IRGM: variants seen among roughly 807,000 people sequenced by gnomAD.
The protein encoded by IRGM is immunity related GTPase M.
For missense variants in IRGM, 288 were observed against 219.9 expected (o/e 1.31, Z -1.96); for synonymous variants, 98 against 80.6 (o/e 1.22, Z -1.16).
intron 1 of IRGM, among the ~76,000 whole-genome samples, chr5:150,854,535 C>A (rs1261159186): frequency 1.3e-5 from 2 of 152,078 alleles, no homozygotes; most frequent in African/African-American, 4.8e-5. Flanking sequence ...CCTGGGGGTG[C>A]ATTTATTTTT....
intron 1 of IRGM, among the ~76,000 whole-genome samples, chr5:150,872,986 A>G (rs946842386): frequency 2.6e-5 from 4 of 152,238 alleles, no homozygotes; most frequent in Non-Finnish European, 5.9e-5. Flanking sequence ...GCCAGATCTA[A>G]CAGTGGGAAC....
intron 1 of IRGM, among the ~76,000 whole-genome samples, chr5:150,866,575 T>C (rs1446158435): frequency 2.6e-5 from 4 of 152,002 alleles, no homozygotes; most frequent in Non-Finnish European, 5.9e-5. Context: ...CTGACAAAAA[T>C]CAATAAAAAG....
intron 1 of IRGM, among the ~76,000 whole-genome samples, chr5:150,865,044 G>C (rs1206160806): frequency 6.6e-6 from 1 of 152,170 alleles, no homozygotes; most frequent in East Asian, 1.9e-4. Context: ...CTGGTGAGAG[G>C]ATGTGTGATG....
At chr5:150,886,524 A>G (rs73284141) in intron 3 of IRGM, among the ~76,000 whole-genome samples, 31,733 of 151,764 alleles carry the variant, frequency 0.21, 5,353 homozygotes, top group African/African-American at 0.45. Flanking sequence ...GAATCCATGA[A>G]GTCCTAGGCT....
intron 3 of IRGM, among the ~76,000 whole-genome samples, chr5:150,887,257 A>T (rs1754539052): frequency 6.6e-6 from 1 of 152,050 alleles, no homozygotes; most frequent in South Asian, 2.1e-4. Context: ...AATGGATCTG[A>T]CAGAGCTGAA....
At chr5:150,892,397 AG>A (rs1052717076) in intron 3 of IRGM, among the ~76,000 whole-genome samples, 12 of 152,012 alleles carry the variant, frequency 7.9e-5, no homozygotes, top group African/African-American at 2.7e-4. Context: ...AGAATATCTG[AG>A]TTTTAATTAA....
intron 1 of IRGM, among the ~76,000 whole-genome samples, chr5:150,870,785 C>T (rs764047020): frequency 8.5e-5 from 13 of 152,052 alleles, no homozygotes; most frequent in Non-Finnish European, 1.9e-4. Context: ...TTAGAGCACT[C>T]AGTAATCATA....
At chr5:150,882,441 T>C (rs1169720791) in intron 3 of IRGM, among the ~76,000 whole-genome samples, 1 of 152,094 alleles carries the variant, frequency 6.6e-6, no homozygotes, top group Non-Finnish European at 1.5e-5. Flanking sequence ...AAATGATTTT[T>C]TTAAGTGACC....
intron 3 of IRGM, chr5:150,900,509 T>A (rs554171070): frequency 7.9e-5 from 12 of 152,140 alleles, no homozygotes; most frequent in Non-Finnish European, 1.8e-4. Flanking sequence ...AACTTTTATG[T>A]GTTAATGTTA....
At chr5:150,893,786 T>C (rs979473273) in intron 3 of IRGM, among the ~76,000 whole-genome samples, 25 of 152,132 alleles carry the variant, frequency 1.6e-4, no homozygotes, top group African/African-American at 6.0e-4. Context: ...TTTATAGCCA[T>C]GTGCTAGCTA....
chr5:150,848,928 G>T (rs1753931442), downstream of IRGM, among the ~76,000 whole-genome samples: 1 of 152,058 alleles, frequency 6.6e-6, no homozygotes, highest in Non-Finnish European at 1.5e-5. Context: ...GTCTTAAAAT[G>T]GATGCAAGAT....
intron 1 of IRGM, among the ~76,000 whole-genome samples, chr5:150,866,000 A>G (rs549534236): frequency 6.6e-6 from 1 of 152,134 alleles, no homozygotes; most frequent in South Asian, 2.1e-4. Context: ...CAAGTGATCC[A>G]CCCGCCTTGG....
At chr5:150,854,632 C>T (rs1443019883) in intron 1 of IRGM, among the ~76,000 whole-genome samples, 2 of 152,128 alleles carry the variant, frequency 1.3e-5, no homozygotes, top group Non-Finnish European at 2.9e-5. Flanking sequence ...TTAAATATAT[C>T]ATCTCTGTGC....
At chr5:150,875,520 TATCCCATGTG>T (rs1754351120) in intron 1 of IRGM, among the ~76,000 whole-genome samples, 1 of 152,232 alleles carries the variant, frequency 6.6e-6, no homozygotes, top group Non-Finnish European at 1.5e-5. Context: ...GTGACATTTG[TATCCCATGTG>T]ATTGTTCACC....
At chr5:150,862,691 A>C (rs1257552497) in intron 1 of IRGM, among the ~76,000 whole-genome samples, 2 of 152,158 alleles carry the variant, frequency 1.3e-5, no homozygotes, top group African/African-American at 4.8e-5. Context: ...AATTAAGTCT[A>C]TTGACTGTCA....
intron 1 of IRGM, among the ~76,000 whole-genome samples, chr5:150,869,557 C>T (rs1561745829): frequency 6.6e-6 from 1 of 152,156 alleles, no homozygotes; most frequent in Non-Finnish European, 1.5e-5. Flanking sequence ...AGGACTGGCA[C>T]CAATTCTTCT....
chr5:150,895,932 G>C, intron 3 of IRGM: 1 of 1,613,418 alleles, frequency 6.2e-7, no homozygotes, highest in African/African-American at 1.3e-5. Context: ...ACATTTGTAG[G>C]GTTTCTCACC....
chr5:150,895,313 C>G, intron 3 of IRGM: 2 of 798,868 alleles, frequency 2.5e-6, no homozygotes, highest in Non-Finnish European at 3.7e-6. Context: ...AACAAATTCC[C>G]TTAAAAATTT....
intron 1 of IRGM, among the ~76,000 whole-genome samples, chr5:150,869,612 A>C (rs1018055499): frequency 3.7e-4 from 56 of 152,150 alleles, no homozygotes; most frequent in African/African-American, 1.3e-3. Context: ...CTGGTCCTGG[A>C]CTTTTTTGTT....
Sources: gnomAD v4.1 joint callset for allele counts (sites outside exome capture counted in the v4.1 genomes callset) on GRCh38, gnomAD v4.1.1 for gene constraint, MANE v1.5 for transcripts, NCBI Gene and HGNC (gene_info 2026-07-23, HGNC 2026-07-21) for gene names.